Variants in GATAD1 observed in about 807,000 individuals in gnomAD.
The protein encoded by GATAD1 is GATA zinc finger domain containing 1.
Under a neutral mutation model 26.5 loss-of-function variants are expected in GATAD1, and 12 were observed. That is an observed-to-expected ratio of 0.45 (90% CI 0.29 to 0.73). The LOEUF (loss-of-function observed/expected upper bound fraction) is 0.73, where lower values mean the gene tolerates loss of function less well. Ranked by LOEUF, GATAD1 falls within the 30% of genes least tolerant of loss-of-function variation. The pLI is 0.10. For synonymous variants in GATAD1, 129 were observed against 133.1 expected (o/e 0.97, Z 0.21); for missense variants, 266 against 342.1 (o/e 0.78, Z 1.75).
In GATAD1 at chr7:92,459,589, C is replaced by G. The variant is rs1422882876; in HGVS notation, c.*3027C>G. Among the ~76,000 whole-genome samples the G allele has an allele frequency of 6.6e-6, 1 of 152,184 alleles. No homozygotes were observed. The highest frequency in any genetic ancestry group is 1.5e-5 in the Non-Finnish European group (1 of 68,036). ...TGAGTCCTTGTTCATACTGTTCTCTCCAATTCTACCTTCCAAAGGCCTTTC... is the reference window on the plus strand; with the variant it reads ...TGAGTCCTTGTTCATACTGTTCTCTGCAATTCTACCTTCCAAAGGCCTTTC... On this transcript the variant is annotated 3_prime_UTR_variant, in exon 5 of 5. Transcript: ENST00000287957.
chr7:92,454,265 A>T, intron 3 of GATAD1: 1 of 451,258 alleles, frequency 2.2e-6, no homozygotes, highest in South Asian at 3.0e-5. Flanking sequence ...TTTATGAACA[A>T]ATCTTTTCTC....
chr7:92,494,285 A>G, the GATAD1 span: 1 of 1,601,180 alleles, frequency 6.2e-7, no homozygotes, highest in Non-Finnish European at 8.6e-7. Flanking sequence ...TAAATATGAA[A>G]TTGTCACCTG....
intron 4 of GATAD1, among the ~76,000 whole-genome samples, chr7:92,455,732 A>G (rs1466028045): frequency 1.3e-5 from 2 of 152,224 alleles, no homozygotes; most frequent in Non-Finnish European, 2.9e-5. Context: ...ATTCTCACCT[A>G]TATGTCAAGT....
the GATAD1 span, among the ~76,000 whole-genome samples, chr7:92,485,387 T>C: frequency 1.3e-5 from 2 of 151,196 alleles, no homozygotes; most frequent in African/African-American, 4.9e-5. Flanking sequence ...TCCTACTTGA[T>C]TCTTACAATG....
the GATAD1 span, chr7:92,468,805 G>A: frequency 1.3e-6 from 1 of 761,768 alleles, no homozygotes; most frequent in East Asian, 2.4e-5. Context: ...TAGAGGTTGT[G>A]CAGCTGAGAT....
chr7:92,488,544 G>A, the GATAD1 span, among the ~76,000 whole-genome samples: 4 of 152,124 alleles, frequency 2.6e-5, no homozygotes, highest in African/African-American at 9.6e-5. Flanking sequence ...TAAATCCAAT[G>A]TATAACAAAT....
At chr7:92,467,034 C>A in the GATAD1 span, among the ~76,000 whole-genome samples, 1 of 151,742 alleles carries the variant, frequency 6.6e-6, no homozygotes, top group African/African-American at 2.4e-5. Flanking sequence ...ATATGTATTT[C>A]AGGCTGGGCA....
At chr7:92,463,546 C>A (rs562008599), downstream of GATAD1, among the ~76,000 whole-genome samples, 9 of 152,010 alleles carry the variant, frequency 5.9e-5, no homozygotes, top group South Asian at 1.5e-3. Flanking sequence ...CACCTGTAGT[C>A]CCAGCTACTC....
chr7:92,488,411 C>G, the GATAD1 span, among the ~76,000 whole-genome samples: 1,861 of 152,222 alleles, frequency 0.012, 41 homozygotes, highest in African/African-American at 0.043. Context: ...AAGGTAGCAG[C>G]TTCTAAAGAC....
the GATAD1 span, chr7:92,468,393 T>TAAATC: frequency 1.7e-5 from 3 of 175,494 alleles, no homozygotes; most frequent in African/African-American, 7.2e-5. Flanking sequence ...AGTTGCAAGA[T>TAAATC]TTAATAGAGT....
In GATAD1 at chr7:92,447,663, G is replaced by C. The variant is rs1789208718; in HGVS notation, c.-67G>C. ...GCCGGGAGTGGCGGGCCGACCAGGG[G>C]GCGGCCGGGCTACCGTCCGCCATTC... On this transcript the variant is annotated 5_prime_UTR_variant, in exon 1 of 5. Coordinates refer to ENST00000287957, the MANE Select transcript of GATAD1 (RefSeq NM_021167.5). 2 of 1,342,544 alleles carry C rather than the reference G, an allele frequency of 1.5e-6. No homozygotes were observed. The highest frequency in any genetic ancestry group is 1.8e-5 in the South Asian group (1 of 56,710). 83.2% of individuals were successfully genotyped at this position (1,342,544 alleles called of 1,614,324 possible).
At chr7:92,455,201 T>C (rs1427009086) in intron 4 of GATAD1, among the ~76,000 whole-genome samples, 1 of 152,094 alleles carries the variant, frequency 6.6e-6, no homozygotes, top group East Asian at 1.9e-4. Flanking sequence ...ATATGAGGCA[T>C]TTTATGTAGC....
At chr7:92,484,568 G>A in the GATAD1 span, among the ~76,000 whole-genome samples, 1 of 152,202 alleles carries the variant, frequency 6.6e-6, no homozygotes, top group Non-Finnish European at 1.5e-5. Context: ...TGGATAAAAT[G>A]TGTCTCCTTT....
the GATAD1 span, among the ~76,000 whole-genome samples, chr7:92,488,703 CCTT>C: frequency 1.3e-5 from 2 of 151,598 alleles, no homozygotes; most frequent in African/African-American, 2.4e-5. Context: ...TTTTAATTTT[CCTT>C]CTTATTTCTT....
chr7:92,487,270 T>C, the GATAD1 span: 1 of 392,276 alleles, frequency 2.5e-6, no homozygotes, highest in Non-Finnish European at 4.5e-6. Context: ...AATGTCCCAA[T>C]TTATACTACA....
At chr7:92,471,714 C>G in the GATAD1 span, 1 of 152,158 alleles carries the variant, frequency 6.6e-6, no homozygotes, top group Non-Finnish European at 1.5e-5. Flanking sequence ...ATGACCCCGG[C>G]AGTGTAAGAC....
At position 92,458,932 on chromosome 7, in the gene GATAD1, T is replaced by A. The variant is rs1789805592; in HGVS notation, c.*2370T>A. The A allele has an allele frequency of 6.6e-6, 1 of 152,160 alleles. No homozygotes were observed. The highest frequency in any genetic ancestry group is 2.4e-5 in the African/African-American group (1 of 41,428). 9.4% of individuals were successfully genotyped at this position (152,160 alleles called of 1,614,324 possible). The stretch of plus-strand genomic sequence containing the variant: ...ACCAAAACAGTATCGTACTTAGAAT[T>A]TGGAGTAGAGGCCGGGCACAGTGGC... On this transcript the variant is annotated 3_prime_UTR_variant, in exon 5 of 5. Coordinates refer to ENST00000287957, the MANE Select transcript of GATAD1 (RefSeq NM_021167.5).
chr7:92,486,708 G>T, the GATAD1 span, among the ~76,000 whole-genome samples: 2 of 151,982 alleles, frequency 1.3e-5, no homozygotes, highest in African/African-American at 4.8e-5. Flanking sequence ...TGTTGCCCAG[G>T]CTTACTTGTA....
the GATAD1 span, among the ~76,000 whole-genome samples, chr7:92,485,455 G>A: frequency 6.6e-6 from 1 of 152,184 alleles, no homozygotes; most frequent in Admixed American, 6.5e-5. Context: ...ATATAGTCAT[G>A]GCCCCTGACC....
Sources: allele counts gnomAD v4.1 joint callset (sites outside exome capture counted in the v4.1 genomes callset), GRCh38; gene constraint gnomAD v4.1.1; transcripts MANE v1.5; gene names NCBI Gene and HGNC (gene_info 2026-07-23, HGNC 2026-07-21).